Variants in CACNA1C observed in about 807,000 individuals in gnomAD.
The protein encoded by CACNA1C is voltage-dependent L-type calcium channel subunit alpha-1C.
In CACNA1C, 30 loss-of-function variants were observed where a neutral mutation model predicts 229.0. That is an observed-to-expected ratio of 0.13 (90% CI 0.10 to 0.18). The LOEUF is 0.18. CACNA1C is among the 10% of genes least tolerant of loss of function. The pLI is 1.00. For synonymous variants in CACNA1C, 1,114 were observed against 1,132.5 expected, an observed-to-expected ratio of 0.98 and a Z score of 0.33; for missense variants, 1,658 against 2,845.0, an observed-to-expected ratio of 0.58 and a Z score of 9.49.
At chr12:2,342,252 TTC>T (rs746301993) in intron 3 of CACNA1C, among the ~76,000 whole-genome samples, 15 of 152,192 alleles carry the variant, frequency 9.9e-5, no homozygotes, top group Non-Finnish European at 2.1e-4. Flanking sequence ...CAGGGCATCG[TTC>T]TGTTTGTTTC....
intron 3 of CACNA1C, among the ~76,000 whole-genome samples, chr12:2,442,239 C>T (rs2099235721): frequency 6.6e-6 from 1 of 152,150 alleles, no homozygotes; most frequent in African/African-American, 2.4e-5. Context: ...ATAGCCTGTA[C>T]ACATCAGTGT....
At chr12:2,286,188 C>T (rs956566542) in intron 3 of CACNA1C, among the ~76,000 whole-genome samples, 2 of 152,198 alleles carry the variant, frequency 1.3e-5, no homozygotes, top group African/African-American at 4.8e-5. Context: ...TTGCAAAGAG[C>T]TTTGAAACAA....
chr12:2,461,009 A>G (rs2099497716), intron 5 of CACNA1C, among the ~76,000 whole-genome samples: 1 of 152,178 alleles, frequency 6.6e-6, no homozygotes, highest in Admixed American at 6.5e-5. Context: ...AACCTAGACA[A>G]ATGCCTCCGT....
intron 4 of CACNA1C, among the ~76,000 whole-genome samples, chr12:2,450,553 C>CAAA (rs796416420): frequency 0.13 from 5,023 of 38,446 alleles, 1,353 homozygotes; most frequent in African/African-American, 0.27. Context: ...GACTCCATCT[C>CAAA]AAAAAAAAAA....
At chr12:2,533,906 G>A (rs1189786600) in intron 9 of CACNA1C, among the ~76,000 whole-genome samples, 1 of 152,282 alleles carries the variant, frequency 6.6e-6, no homozygotes, top group Non-Finnish European at 1.5e-5. Flanking sequence ...TCATGTGAGC[G>A]CTTGAACAGC....
chr12:2,469,405 G>A (rs2099578383), intron 5 of CACNA1C, among the ~76,000 whole-genome samples: 8 of 152,176 alleles, frequency 5.3e-5, no homozygotes, highest in Admixed American at 3.3e-4. Context: ...GTTGATACTG[G>A]CAAAGGACTG....
intron 21 of CACNA1C, among the ~76,000 whole-genome samples, chr12:2,599,882 A>G (rs993200412): frequency 2.0e-5 from 3 of 152,124 alleles, no homozygotes; most frequent in African/African-American, 7.2e-5. Context: ...GCCTGGATGC[A>G]TGTTCCCACC....
At chr12:2,068,598 A>G (rs74060142) in intron 1 of CACNA1C, among the ~76,000 whole-genome samples, 4,755 of 152,312 alleles carry the variant, frequency 0.031, 205 homozygotes, top group African/African-American at 0.094. Flanking sequence ...AAATGCATAG[A>G]CAGTCCAGTG....
intron 5 of CACNA1C, among the ~76,000 whole-genome samples, chr12:2,463,014 G>A (rs921557143): frequency 1.6e-4 from 24 of 148,960 alleles, no homozygotes; most frequent in African/African-American, 5.7e-4. Flanking sequence ...CTGGGTTCAC[G>A]CCATTCTCCT....
At position 2,504,940 on chromosome 12, in the gene CACNA1C, T is replaced by A; in HGVS notation, c.1212T>A (p.Leu404=). ...FFVLNLVLGV[L]SGEFSKEREK... ...TACTTAACTTGGTTCTCGGTGTGCT[T>A]AGCGGGTAAGCAGGACCAAGGAAAA... Residue 404 remains leucine (L), a synonymous_variant, in exon 8 of 47, where the codon CTT becomes CTA. Coordinates refer to ENST00000399655, the MANE Select transcript of CACNA1C (RefSeq NM_000719.7). This position sits in a 1 kb window ranked among gnomAD's most constrained non-coding sequence, Gnocchi z 6.8. 1 of 1,532,436 alleles carries A rather than the reference T, an allele frequency of 6.5e-7. No individual in the cohort carries two copies. Among genetic ancestry groups the A allele is most frequent in the Non-Finnish European group, 9.0e-7 (1 of 1,105,762 alleles). The allele number at this position is 1,532,436 out of a possible 1,614,324, so 94.9% of individuals were successfully genotyped here. A position where few individuals can be genotyped will look rare whatever the true frequency, so the allele number is the denominator to read the frequency against.
At chr12:2,136,838 C>T (rs1376603604) in intron 3 of CACNA1C, among the ~76,000 whole-genome samples, 1 of 151,554 alleles carries the variant, frequency 6.6e-6, no homozygotes, top group African/African-American at 2.4e-5. Context: ...GCCCCCGGGC[C>T]TCTTCCTAAA....
rs574971737 is a variant in CACNA1C, at chr12:2,291,407, C to T, written c.478-157569C>T. 1.3e-3 allele frequency among the ~76,000 whole-genome samples: 196 copies of T among 152,316 alleles called. 1 individual carries two copies. The highest frequency in any genetic ancestry group is 4.5e-3 in the African/African-American group (188 of 41,578). ...ACCTACTGGTGGTTTCTTAGAACTA[C>T]ACACTCTCTTTCTCGACTGCTCTTT... On this transcript the variant is annotated intron_variant, in intron 3 of 46. Transcript: ENST00000399655.
chr12:2,389,049 A>G (rs561424247), intron 3 of CACNA1C, among the ~76,000 whole-genome samples: 388 of 152,332 alleles, frequency 2.5e-3, no homozygotes, highest in Non-Finnish European at 3.3e-3. Context: ...ATAGGACATC[A>G]CATTTAATCA....
At chr12:2,625,864 G>A (rs1467877943) in intron 29 of CACNA1C, among the ~76,000 whole-genome samples, 6 of 152,132 alleles carry the variant, frequency 3.9e-5, no homozygotes, top group African/African-American at 7.2e-5. Flanking sequence ...AGGCTGAGAC[G>A]AGAGGATCTC....
intron 9 of CACNA1C, among the ~76,000 whole-genome samples, chr12:2,518,462 G>T (rs970282136): frequency 6.6e-6 from 1 of 152,072 alleles, no homozygotes; most frequent in Non-Finnish European, 1.5e-5. Flanking sequence ...CAAAAAATTA[G>T]CCAGGAGCGG....
chr12:2,032,589 T>C (rs78981741), intron 1 of CACNA1C, among the ~76,000 whole-genome samples: 10 of 152,334 alleles, frequency 6.6e-5, no homozygotes, highest in African/African-American at 2.4e-4. Flanking sequence ...AACCAATCCA[T>C]TACACTTGTT....
At chr12:2,058,235 C>T (rs1320991640) in intron 1 of CACNA1C, among the ~76,000 whole-genome samples, 5 of 152,162 alleles carry the variant, frequency 3.3e-5, no homozygotes, top group Admixed American at 3.3e-4. Context: ...TACAGTAATT[C>T]CTCCCGCCTG....
chr12:2,674,690 C>T lies in CACNA1C; in HGVS notation c.4828+48C>T, dbSNP rs376439823. The T allele has an allele frequency of 7.6e-5, 114 of 1,497,192 alleles. 1 individual carries two copies. Among genetic ancestry groups the T allele is most frequent in the Non-Finnish European group, 9.5e-5 (105 of 1,106,606 alleles). 92.7% of individuals were successfully genotyped at this position (1,497,192 alleles called of 1,614,324 possible). A position where few individuals can be genotyped will look rare whatever the true frequency, so the allele number is the denominator to read the frequency against. On this transcript the variant is annotated intron_variant, in intron 39 of 46. Transcript: ENST00000399655. The stretch of plus-strand genomic sequence containing the variant: ...CACCTTGGCCACTGCCTGGCCGTGC[C>T]CCCCTCTGCCTGCCTCTCCTCCAGC...
intron 9 of CACNA1C, 102 bp downstream of exon 9, chr12:2,513,086 C>A (rs377369613): frequency 2.3e-6 from 2 of 872,966 alleles, no homozygotes; most frequent in South Asian, 2.2e-5. Context: ...CTTAGAAGCC[C>A]ACGGGGTGCC....
Sources: gnomAD v4.1 joint callset for allele counts (sites outside exome capture counted in the v4.1 genomes callset) on GRCh38, gnomAD v4.1.1 for gene constraint, Gnocchi (gnomAD v3.1) non-coding constraint, MANE v1.5 for transcripts, NCBI Gene and HGNC (gene_info 2026-07-23, HGNC 2026-07-21) for gene names.